The following HNF1B variants were observed in gnomAD, a reference collection of about 807,000 sequenced individuals.
The protein encoded by HNF1B is hepatocyte nuclear factor 1-beta.
A neutral mutation model predicts 61.7 loss-of-function variants in HNF1B; 8 were observed. The ratio of observed to expected loss-of-function variants is 0.13; its 90% CI spans 0.08 to 0.23. The LOEUF (loss-of-function observed/expected upper bound fraction) is 0.23. Ranked by LOEUF, HNF1B falls within the 10% of genes least tolerant of loss-of-function variation. The pLI is 1.00. For missense variants in HNF1B, 562 were observed against 714.5 expected (o/e 0.79, Z 2.43); for synonymous variants, 314 against 287.7 (o/e 1.09, Z -0.93).
At chr17:37,711,232 AG>A (rs1482469242) in intron 4 of HNF1B, among the ~76,000 whole-genome samples, 2 of 152,244 alleles carry the variant, frequency 1.3e-5, no homozygotes, top group African/African-American at 2.4e-5. Context: ...CCAAGAGGTC[AG>A]GGGCACGGAC....
chr17:37,705,056 G>A lies in HNF1B; in HGVS notation c.1207-7C>T, dbSNP rs1215174368. 1.2e-5 allele frequency: 19 copies of A among 1,612,898 alleles called. No individual in the cohort carries two copies. Among genetic ancestry groups the A allele is most frequent in the Non-Finnish European group, 1.6e-5 (19 of 1,179,340 alleles). ...CTCCTCCTGAGACTGAGATCTGATG[G>A]AGAGAAAAAAACAAGAGAAACATGG... On this transcript the variant is annotated splice_polypyrimidine_tract_variant and splice_region_variant and intron_variant, in intron 5 of 8. Transcript: ENST00000617811.
At chr17:37,738,132 T>G (rs886812853) in intron 2 of HNF1B, among the ~76,000 whole-genome samples, 2 of 152,324 alleles carry the variant, frequency 1.3e-5, no homozygotes, top group African/African-American at 4.8e-5. Flanking sequence ...TTTTTTAGGC[T>G]TTCCAGGAAC....
chr17:37,716,291 G>A lies in HNF1B; in HGVS notation c.1046-5628C>T, dbSNP rs371489928. 6.1e-4 allele frequency among the ~76,000 whole-genome samples: 93 copies of A among 152,144 alleles called. 1 individual carries two copies. Among genetic ancestry groups the A allele is most frequent in the African/African-American group, 2.1e-3 (89 of 41,550 alleles). On this transcript the variant is annotated intron_variant, in intron 4 of 8. Coordinates refer to ENST00000617811, the MANE Select transcript of HNF1B (RefSeq NM_000458.4). The stretch of plus-strand genomic sequence containing the variant: ...CGGCTCACGGCAACCTTCGCCTCCC[G>A]GGCTCAAGTGATTCTCCTGCCTCAG...
At position 37,701,133 on chromosome 17, in the gene HNF1B, C is replaced by T; in HGVS notation, c.1384G>A (p.Val462Met). 1 of 1,552,118 alleles carries T rather than the reference C, an allele frequency of 6.4e-7. No individual in the cohort carries two copies. The highest frequency in any genetic ancestry group is 8.7e-7 in the Non-Finnish European group (1 of 1,147,602). The change falls in exon 7 of 9, where the codon GTG becomes ATG. Residue 462 changes from valine (V) to methionine (M), a missense_variant. Val to Met is a conservative substitution (Grantham distance 21). Around this residue, in one of 6 missense-constraint regions of HNF1B, gnomAD observed 211 missense variants for 200.7 expected, o/e 1.05. Coordinates refer to ENST00000617811, the MANE Select transcript of HNF1B (RefSeq NM_000458.4). ...QAQSVPVINSVAGSLAALQPV... is the reference protein window; with the variant it reads ...QAQSVPVINSMAGSLAALQPV... ...TGCAGGGCTGCCAGGCTGCCGGCCA[C>T]ACTGTTGATGACAGGGACACTCTGT...
At chr17:37,712,242 C>T (rs1346234456) in intron 4 of HNF1B, among the ~76,000 whole-genome samples, 4 of 152,116 alleles carry the variant, frequency 2.6e-5, no homozygotes, top group Non-Finnish European at 5.9e-5. Context: ...GTGGTGGTGA[C>T]AGTGGGATGG....
intron 4 of HNF1B, among the ~76,000 whole-genome samples, chr17:37,719,127 AT>A (rs2033221314): frequency 6.6e-6 from 1 of 151,272 alleles, no homozygotes; most frequent in Non-Finnish European, 1.5e-5. Context: ...TATTATTATT[AT>A]TATTGTTATT....
intron 5 of HNF1B, among the ~76,000 whole-genome samples, chr17:37,710,006 T>C (rs2032878390): frequency 6.6e-6 from 1 of 152,222 alleles, no homozygotes; most frequent in Admixed American, 6.5e-5. Flanking sequence ...TCTTTCACTG[T>C]TCCAGTTCAA....
In HNF1B at chr17:37,739,455, G is replaced by C; in HGVS notation, c.529C>G (p.Arg177Gly). The change falls in exon 2 of 9, where the codon CGA becomes GGA. Residue 177 changes from arginine (R) to glycine (G), a missense_variant. Physicochemically the swap from Arg to Gly is moderately radical, Grantham distance 125. Coordinates refer to ENST00000617811, the MANE Select transcript of HNF1B (RefSeq NM_000458.4). ...AAACACTTACGTCGGAGGATCTCTC[G>C]TTGCTTTCTGACGTACCAGGTGTAC... Reference protein sequence around the residue: ...ALYTWYVRKQREILRQFNQTV... With the variant: ...ALYTWYVRKQGEILRQFNQTV... 4 of 1,614,102 alleles carry C rather than the reference G, an allele frequency of 2.5e-6. No homozygotes were observed. Among genetic ancestry groups the C allele is most frequent in the Non-Finnish European group, 3.4e-6 (4 of 1,180,006 alleles).
chr17:37,692,011 A>G (rs559585246), intron 8 of HNF1B, among the ~76,000 whole-genome samples: 1 of 152,352 alleles, frequency 6.6e-6, no homozygotes, highest in South Asian at 2.1e-4. Context: ...CACTTGTTCT[A>G]ACTGAGGTCA....
chr17:37,694,075 A>G (rs1437161344), intron 8 of HNF1B, among the ~76,000 whole-genome samples: 1 of 152,190 alleles, frequency 6.6e-6, no homozygotes, highest in Non-Finnish European at 1.5e-5. Flanking sequence ...ATTCCTTTAT[A>G]GTGATGCAAA....
At chr17:37,691,984 G>A (rs1218100824) in intron 8 of HNF1B, among the ~76,000 whole-genome samples, 1 of 152,216 alleles carries the variant, frequency 6.6e-6, no homozygotes, top group East Asian at 1.9e-4. Flanking sequence ...AACAGGAGTT[G>A]GCTCACAACC....
At chr17:37,694,349 C>A (rs1252066721) in intron 8 of HNF1B, among the ~76,000 whole-genome samples, 1 of 141,502 alleles carries the variant, frequency 7.1e-6, no homozygotes, top group Non-Finnish European at 1.5e-5. Flanking sequence ...TCGCTTGAAC[C>A]TGGGAGGTGG....
chr17:37,733,327 C>T (rs1360175965), intron 3 of HNF1B, among the ~76,000 whole-genome samples: 1 of 152,186 alleles, frequency 6.6e-6, no homozygotes, highest in Non-Finnish European at 1.5e-5. Context: ...CAGGGCTTCT[C>T]GGAACCTTTA....
intron 1 of HNF1B, among the ~76,000 whole-genome samples, chr17:37,742,405 C>G (rs955204312): frequency 1.3e-5 from 2 of 152,204 alleles, no homozygotes; most frequent in African/African-American, 4.8e-5. Flanking sequence ...CTCCAAAACG[C>G]GACTTTTCTT....
chr17:37,741,642 T>G (rs12601991), intron 1 of HNF1B, among the ~76,000 whole-genome samples: 101,434 of 152,206 alleles, frequency 0.67, 36,156 homozygotes, highest in African/African-American at 0.92. Context: ...CGAACAAGAC[T>G]CCTCGAACCT....
intron 1 of HNF1B, 41 bp downstream of exon 1, chr17:37,744,500 A>T: frequency 6.3e-7 from 1 of 1,586,922 alleles, no homozygotes; most frequent in Non-Finnish European, 8.6e-7. Context: ...CCGGGGCTCC[A>T]GGGGTTCGGG....
rs1311605355 is a variant in HNF1B at position 37,744,553 on chromosome 17, T to C, written c.332A>G (p.Asp111Gly). The change falls in exon 1 of 9, where the codon GAC becomes GGC. Residue 111 changes from aspartate to glycine, a missense_variant. By Grantham distance (94) the Asp-to-Gly change is moderately conservative. This residue lies in a region of HNF1B where 148 missense variants were observed against 147.3 expected (regional missense o/e 1.00). Transcript: ENST00000617811. Reference protein sequence around the residue: ...EEAAEQRAEVDRMLSEDPWRA... With the variant: ...EEAAEQRAEVGRMLSEDPWRA... ...GCTCTGCGCCTACCTGAGCATCCGG[T>C]CCACCTCCGCCCGCTGCTCCGCCGC... 6.2e-7 allele frequency: 1 copy of C among 1,603,156 alleles called. No homozygotes were observed. The highest frequency in any genetic ancestry group is 8.5e-7 in the Non-Finnish European group (1 of 1,179,850).
intron 1 of HNF1B, among the ~76,000 whole-genome samples, chr17:37,742,842 A>G (rs757209): frequency 0.66 from 99,426 of 150,962 alleles, 35,051 homozygotes; most frequent in African/African-American, 0.91. Context: ...GTGAGGCCGC[A>G]GGGCCGCACG....
chr17:37,728,310 G>A (rs952005631), intron 4 of HNF1B, among the ~76,000 whole-genome samples: 5 of 139,376 alleles, frequency 3.6e-5, no homozygotes, highest in African/African-American at 1.0e-4. Flanking sequence ...CCCACAGAGC[G>A]TTTTTTTTTT....
Sources: allele counts gnomAD v4.1 joint callset (sites outside exome capture counted in the v4.1 genomes callset), GRCh38; gene constraint gnomAD v4.1.1; regional missense constraint gnomAD v4.1.1; transcripts MANE v1.5; gene names NCBI Gene and HGNC (gene_info 2026-07-23, HGNC 2026-07-21).